The following BRD10 variants were observed in gnomAD, a reference collection of about 807,000 sequenced individuals.
BRD10 encodes the protein bromodomain containing 10.
At chr9:6,002,602 A>G in the BRD10 span, among the ~76,000 whole-genome samples, 1 of 152,206 alleles carries the variant, frequency 6.6e-6, no homozygotes, top group African/African-American at 2.4e-5. Flanking sequence ...AAAAGATTAA[A>G]ATAAAAATTC....
chr9:5,915,089 C>T, the BRD10 span, among the ~76,000 whole-genome samples: 1 of 152,136 alleles, frequency 6.6e-6, no homozygotes, highest in Non-Finnish European at 1.5e-5. Context: ...ACACTTTGTT[C>T]ATGATATTAT....
the BRD10 span, among the ~76,000 whole-genome samples, chr9:5,986,528 C>T: frequency 6.6e-6 from 1 of 152,152 alleles, no homozygotes; most frequent in South Asian, 2.1e-4. Context: ...CTAGATCTTT[C>T]AGGAATCATC....
the BRD10 span, among the ~76,000 whole-genome samples, chr9:5,955,884 A>G: frequency 3.9e-5 from 6 of 152,298 alleles, no homozygotes; most frequent in African/African-American, 1.2e-4. Flanking sequence ...TGATATCTCT[A>G]TAATACAGCT....
chr9:5,919,181 G>C, the BRD10 span: 1 of 152,634 alleles, frequency 6.6e-6, no homozygotes, highest in Non-Finnish European at 1.5e-5. Flanking sequence ...AGGTTGTTAG[G>C]GATTCTGGAA....
the BRD10 span, among the ~76,000 whole-genome samples, chr9:5,991,178 GTGTATATA>G: frequency 1.9e-4 from 7 of 37,322 alleles, no homozygotes; most frequent in Non-Finnish European, 7.3e-4. Context: ...GTGTGTGTGT[GTGTATATA>G]TATATATATA....
the BRD10 span, among the ~76,000 whole-genome samples, chr9:5,992,320 T>C: frequency 6.6e-6 from 1 of 152,222 alleles, no homozygotes; most frequent in Non-Finnish European, 1.5e-5. Context: ...AGTTATTTAT[T>C]TTCCATTTTA....
At chr9:5,984,016 T>A in the BRD10 span, among the ~76,000 whole-genome samples, 1 of 137,982 alleles carries the variant, frequency 7.2e-6, no homozygotes, top group Non-Finnish European at 1.6e-5. Context: ...CCCCTCTCCA[T>A]CCTTCAAGAT....
At chr9:5,884,905 G>A in the BRD10 span, among the ~76,000 whole-genome samples, 11 of 152,142 alleles carry the variant, frequency 7.2e-5, no homozygotes, top group Middle Eastern at 3.2e-3. Flanking sequence ...CTCTGTGCCC[G>A]TGTTCACCTG....
chr9:5,955,620 T>C, the BRD10 span, among the ~76,000 whole-genome samples: 1 of 149,650 alleles, frequency 6.7e-6, no homozygotes, highest in Non-Finnish European at 1.5e-5. Context: ...ATGTATACTA[T>C]GACTGAACTG....
At chr9:6,000,394 G>T in the BRD10 span, among the ~76,000 whole-genome samples, 1 of 152,050 alleles carries the variant, frequency 6.6e-6, no homozygotes, top group Admixed American at 6.5e-5. Flanking sequence ...GCTATTATTT[G>T]TTCTGGGCAA....
At chr9:5,977,475 T>A in the BRD10 span, among the ~76,000 whole-genome samples, 1 of 152,178 alleles carries the variant, frequency 6.6e-6, no homozygotes, top group African/African-American at 2.4e-5. Context: ...GCTGAAGATC[T>A]CTAGAGTTAA....
chr9:6,007,808 G>A, the BRD10 span: 1 of 1,474,798 alleles, frequency 6.8e-7, no homozygotes, highest in Non-Finnish European at 8.9e-7. Context: ...GCCTAGGCTG[G>A]GCGGTGTGGA....
At chr9:5,919,932 C>G in the BRD10 span, 5 of 1,613,924 alleles carry the variant, frequency 3.1e-6, no homozygotes, top group Non-Finnish European at 4.2e-6. Context: ...GGGCAAATGG[C>G]AGAAACCAAA....
the BRD10 span, among the ~76,000 whole-genome samples, chr9:5,993,500 G>C: frequency 6.6e-6 from 1 of 152,212 alleles, no homozygotes; most frequent in African/African-American, 2.4e-5. Context: ...AAGGTTGAGA[G>C]AAAATAGGAA....
the BRD10 span, among the ~76,000 whole-genome samples, chr9:6,002,352 A>G: frequency 6.6e-6 from 1 of 152,238 alleles, no homozygotes; most frequent in African/African-American, 2.4e-5. Context: ...ACTACATGGA[A>G]TATCAAGCTG....
At chr9:5,988,666 T>C in the BRD10 span, 79 of 690,852 alleles carry the variant, frequency 1.1e-4, no homozygotes, top group Non-Finnish European at 1.8e-4. Context: ...CCTTACTTAC[T>C]TAGCTTTGTT....
the BRD10 span, among the ~76,000 whole-genome samples, chr9:5,880,954 C>T: frequency 2.0e-5 from 3 of 152,142 alleles, no homozygotes; most frequent in Admixed American, 6.5e-5. Flanking sequence ...CCACCCGCCT[C>T]GGCCTCCCAA....
chr9:5,958,494 G>C, the BRD10 span, among the ~76,000 whole-genome samples: 2 of 152,066 alleles, frequency 1.3e-5, no homozygotes, highest in African/African-American at 2.4e-5. Context: ...TTTAAGCCAA[G>C]TGTGGTGGTG....
At chr9:5,930,403 A>C in the BRD10 span, among the ~76,000 whole-genome samples, 2 of 149,008 alleles carry the variant, frequency 1.3e-5, no homozygotes, top group Non-Finnish European at 3.0e-5. Flanking sequence ...ATGACCTTCA[A>C]ATTTGTCATG....
Sources: allele counts gnomAD v4.1 joint callset (sites outside exome capture counted in the v4.1 genomes callset), GRCh38; gene constraint gnomAD v4.1.1; transcripts MANE v1.5; gene names NCBI Gene and HGNC (gene_info 2026-07-23, HGNC 2026-07-21).